LAMA1: variants seen among roughly 807,000 people sequenced by gnomAD.
LAMA1 encodes laminin subunit alpha 1.
In LAMA1, 219 loss-of-function variants were observed where a neutral mutation model predicts 348.7. That is an observed-to-expected ratio of 0.63 (90% CI 0.56 to 0.70). The LOEUF (loss-of-function observed/expected upper bound fraction) is 0.70, where lower values mean the gene tolerates loss of function less well. LAMA1 is among the 30% of genes least tolerant of loss of function. The probability of loss-of-function intolerance (pLI) is 0.00; values close to 1 mark genes in which losing one functional copy is unlikely to be tolerated. For synonymous variants in LAMA1, 1,487 were observed against 1,491.0 expected (o/e 1.00, Z 0.06); for missense variants, 3,744 against 3,888.0 (o/e 0.96, Z 0.99).
chr18:7,052,477 A>G (rs2058065874), intron 3 of LAMA1, among the ~76,000 whole-genome samples: 1 of 151,982 alleles, frequency 6.6e-6, no homozygotes, highest in Admixed American at 6.5e-5. Flanking sequence ...CTGTAATCCC[A>G]GCACTTTGGG....
intron 8 of LAMA1, 150 bp from the exon 9 acceptor site, chr18:7,042,400 A>G (rs932161707): frequency 9.3e-6 from 6 of 648,352 alleles, no homozygotes; most frequent in Non-Finnish European, 1.7e-5. Flanking sequence ...TGAGGAAGAT[A>G]AGATGATCCC....
intron 43 of LAMA1, 70 bp from the exon 44 acceptor site, chr18:6,977,951 C>A: frequency 6.5e-7 from 1 of 1,529,824 alleles, no homozygotes; most frequent in Non-Finnish European, 8.9e-7. Flanking sequence ...AATTAATTGT[C>A]CATTAACAAT....
chr18:7,072,851 A>C (rs1210872782), intron 3 of LAMA1, among the ~76,000 whole-genome samples: 1 of 152,096 alleles, frequency 6.6e-6, no homozygotes, highest in Admixed American at 6.5e-5. Flanking sequence ...CCTGACGGCG[A>C]CACTAGTGGG....
In LAMA1 at chr18:7,035,999, G is replaced by A. The variant is rs1366414167; in HGVS notation, c.1827C>T (p.Asp609=). ...TVDSNLMSHA[D]VIIKGNGLTL... is the part of the protein sequence containing the mutation. ...CAAAAACAATCACCTTAATGATGAC[G>A]TCAGCATGCGACATGAGGTTACTGT... Residue 609 remains aspartate, a synonymous_variant, in exon 13 of 63, where the codon GAC becomes GAT. Transcript: ENST00000389658. 4.3e-6 allele frequency: 7 copies of A among 1,613,258 alleles called. No individual in the cohort carries two copies. Among genetic ancestry groups the A allele is most frequent in the Admixed American group, 3.3e-5 (2 of 59,988 alleles).
intron 28 of LAMA1, 134 bp from the exon 29 acceptor site, chr18:7,007,410 G>A: frequency 1.3e-6 from 1 of 753,970 alleles, no homozygotes; most frequent in South Asian, 2.1e-5. Context: ...CTCTATCAGA[G>A]AAATGCAAAT....
rs374610595 is a variant in LAMA1, at chr18:6,991,436, G to A, written c.5168+1125C>T. Among the ~76,000 whole-genome samples, 39 of 145,232 alleles carry A rather than the reference G, an allele frequency of 2.7e-4. No homozygotes were observed. In the Middle Eastern group the frequency reaches 0.014, roughly 54 times the overall value. ...GACGGAGTCTTGCTCTGTCGCCCAGGCTGGAGTGCAGTGGCATGATCTCAG... is the reference window on the plus strand; with the variant it reads ...GACGGAGTCTTGCTCTGTCGCCCAGACTGGAGTGCAGTGGCATGATCTCAG... On this transcript the variant is annotated intron_variant, in intron 36 of 62. Transcript: ENST00000389658.
At chr18:7,095,069 T>TG (rs1194519418) in intron 1 of LAMA1, among the ~76,000 whole-genome samples, 15 of 151,668 alleles carry the variant, frequency 9.9e-5, no homozygotes, top group African/African-American at 3.1e-4. Context: ...TTGACTGTTT[T>TG]TTTTTTTTTT....
intron 58 of LAMA1, 53 bp from the exon 59 acceptor site, chr18:6,949,312 A>C: frequency 6.5e-7 from 1 of 1,544,848 alleles, no homozygotes. Context: ...AAAAACTTTT[A>C]ACAGATGTAT....
At chr18:7,001,653 T>G (rs984412109) in intron 30 of LAMA1, among the ~76,000 whole-genome samples, 2 of 152,204 alleles carry the variant, frequency 1.3e-5, no homozygotes, top group African/African-American at 4.8e-5. Flanking sequence ...GTTCAATACC[T>G]TGCCAAATAT....
chr18:6,962,648 C>T (rs993838363), intron 51 of LAMA1, among the ~76,000 whole-genome samples: 1 of 152,182 alleles, frequency 6.6e-6, no homozygotes, highest in Non-Finnish European at 1.5e-5. Flanking sequence ...ATAAGAAAGA[C>T]AGTGCACAGT....
rs760847235 is a variant in LAMA1, at chr18:6,947,308, A to G, written c.8711-12T>C. 1.9e-6 allele frequency: 3 copies of G among 1,613,278 alleles called. No homozygotes were observed. The highest frequency in any genetic ancestry group is 2.5e-6 in the Non-Finnish European group (3 of 1,180,010). On this transcript the variant is annotated splice_polypyrimidine_tract_variant and intron_variant, in intron 60 of 62. Transcript: ENST00000389658. ...GTAGCCCTCTTTGACTGTAACACAC[A>G]AGGAGGACCCAAGTCAGGGTGAGCG... is the stretch of plus-strand genomic sequence containing the variant.
Position 6,964,750 on chromosome 18 carries a change from CCTGCTTGG to C in LAMA1, c.7241_7248del (p.Thr2414ArgfsTer9). ...TCAGAAGATGCTCCCGGAGTCTCGCCCTGCTTGGTTTCTTTATTACTGGTGTTATAGGC... is the reference window on the plus strand; with the variant it reads ...TCAGAAGATGCTCCCGGAGTCTCGCCTTTCTTTATTACTGGTGTTATAGGC... On this transcript the variant is annotated frameshift_variant, in exon 51 of 63. Coordinates refer to ENST00000389658, the MANE Select transcript of LAMA1 (RefSeq NM_005559.4). LOFTEE classifies it high-confidence loss of function. 1.2e-6 allele frequency: 2 copies of C among 1,614,056 alleles called. No homozygotes were observed. The highest frequency in any genetic ancestry group is 1.7e-6 in the Non-Finnish European group (2 of 1,180,024).
At chr18:7,065,569 A>T (rs1432133173) in intron 3 of LAMA1, among the ~76,000 whole-genome samples, 3 of 151,766 alleles carry the variant, frequency 2.0e-5, no homozygotes, top group Admixed American at 1.3e-4. Flanking sequence ...TCTACTAAAA[A>T]TTCAAAAATT....
In LAMA1 at chr18:7,050,826, A is replaced by G. The variant is rs2144202589; in HGVS notation, c.456T>C (p.Tyr152=). The G allele has an allele frequency of 1.2e-6, 2 of 1,614,188 alleles. No individual in the cohort carries two copies. The highest frequency in any genetic ancestry group is 1.7e-6 in the Non-Finnish European group (2 of 1,180,038). The change falls in exon 4 of 63, where the codon TAT becomes TAC. Residue 152 remains tyrosine (Y), a synonymous_variant. Transcript: ENST00000389658. ...DGTTFSPWQY[Y]AVSDSECLSR... ...ACAAACACTCTGAGTCGCTGACTGCATAATACTGCCAGGGGCTGAACGTGG... is the reference window on the plus strand; with the variant it reads ...ACAAACACTCTGAGTCGCTGACTGCGTAATACTGCCAGGGGCTGAACGTGG...
At chr18:6,985,990 C>G (rs368195085) in intron 37 of LAMA1, 147 bp downstream of exon 37, 2 of 823,928 alleles carry the variant, frequency 2.4e-6, no homozygotes, top group Admixed American at 1.9e-5. Flanking sequence ...GATCTCTTGA[C>G]CTCATGATCT....
In LAMA1 at chr18:6,973,120, A is replaced by G. The variant is rs2057665893; in HGVS notation, c.6711T>C (p.Ala2237=). 1 of 1,614,110 alleles carries G rather than the reference A, an allele frequency of 6.2e-7. No homozygotes were observed. Among genetic ancestry groups the G allele is most frequent in the African/African-American group, 1.3e-5 (1 of 75,072 alleles). The change falls in exon 47 of 63, where the codon GCT becomes GCC. Residue 2237 remains alanine (A), a synonymous_variant. Coordinates refer to ENST00000389658, the MANE Select transcript of LAMA1 (RefSeq NM_005559.4). ...PTKTSKSPGT[A]NVLDVNNSTL... is the part of the protein sequence containing the mutation. ...TTGAATTGTTTACATCCAGAACATT[A>G]GCTGTCCCAGGGGATTTACTTGTTT...
Position 6,975,042 on chromosome 18 carries a change from G to C in LAMA1, c.6490-6C>G. On this transcript the variant is annotated splice_region_variant and splice_polypyrimidine_tract_variant and intron_variant, in intron 45 of 62. Transcript: ENST00000389658. ...TCCACTGCAAGGAAATCAGACTGGGGGGCGAGGAATGAACGGGGATCAGTT... is the reference window on the plus strand; with the variant it reads ...TCCACTGCAAGGAAATCAGACTGGGCGGCGAGGAATGAACGGGGATCAGTT... The C allele has an allele frequency of 1.2e-6, 2 of 1,613,280 alleles. No homozygotes were observed. Among genetic ancestry groups the C allele is most frequent in the South Asian group, 1.1e-5 (1 of 90,968 alleles).
At position 7,010,305 on chromosome 18, in the gene LAMA1, A is replaced by G. The variant is rs2057853765; in HGVS notation, c.3768T>C (p.Pro1256=). The G allele has an allele frequency of 1.9e-6, 3 of 1,614,174 alleles. No homozygotes were observed. Among genetic ancestry groups the G allele is most frequent in the African/African-American group, 1.3e-5 (1 of 75,042 alleles). ...TCCGACCACCTTTGATGAGAACTTG[A>G]GGCTCAAAATTGGAGGTGCCGACGC... ...LDGVGTSNFE[P]QVLIKGGRIR... Residue 1256 remains proline, a synonymous_variant, in exon 26 of 63, where the codon CCT becomes CCC. Coordinates refer to ENST00000389658, the MANE Select transcript of LAMA1 (RefSeq NM_005559.4).
At chr18:7,002,885 CT>C (rs34498127) in intron 29 of LAMA1, among the ~76,000 whole-genome samples, 52,772 of 147,062 alleles carry the variant, frequency 0.36, 9,621 homozygotes, top group African/African-American at 0.47. Flanking sequence ...TTTTTTCTTT[CT>C]TTTTTTTTTT....
Sources: allele counts gnomAD v4.1 joint callset (sites outside exome capture counted in the v4.1 genomes callset), GRCh38; gene constraint gnomAD v4.1.1; transcripts MANE v1.5; gene names NCBI Gene and HGNC (gene_info 2026-07-23, HGNC 2026-07-21).